Variants in URI1 observed in about 807,000 individuals in gnomAD.
URI1 encodes the protein unconventional prefoldin RPB5 interactor 1.
Under a neutral mutation model 60.2 loss-of-function variants are expected in URI1, and 39 were observed. The ratio of observed to expected loss-of-function variants is 0.65; its 90% confidence interval spans 0.50 to 0.85. The LOEUF is 0.85. Among genes scored for constraint, URI1 ranks in the 40% least tolerant of loss-of-function variants. URI1 has a pLI of 0.00. For synonymous variants in URI1, 251 were observed against 236.8 expected, an observed-to-expected ratio of 1.06 and a Z score of -0.55; for missense variants, 691 against 665.9, an observed-to-expected ratio of 1.04 and a Z score of -0.42.
intron 1 of URI1, chr19:29,956,761 A>C: frequency 6.3e-7 from 1 of 1,591,542 alleles, no homozygotes. Context: ...TGTTCTGTAC[A>C]TGACTACAAA....
At chr19:30,005,754 T>A (rs764112533) in intron 6 of URI1, 46 bp downstream of exon 6, 1 of 1,543,588 alleles carries the variant, frequency 6.5e-7, no homozygotes, top group East Asian at 2.3e-5. Context: ...GATATTTTGA[T>A]TTTTGTTGAT....
chr19:29,970,541 G>A (rs2055446517), intron 1 of URI1, among the ~76,000 whole-genome samples: 1 of 151,958 alleles, frequency 6.6e-6, no homozygotes, highest in Non-Finnish European at 1.5e-5. Context: ...AATAACTTTT[G>A]TACTTAAATT....
chr19:29,960,428 C>G (rs2145289006), intron 1 of URI1, among the ~76,000 whole-genome samples: 2 of 152,002 alleles, frequency 1.3e-5, no homozygotes, highest in Middle Eastern at 6.8e-3. Flanking sequence ...TTAACCTTTG[C>G]TTTATATATT....
At position 29,998,213 on chromosome 19, in the gene URI1, T is replaced by A. The variant is rs186807595; in HGVS notation, c.368-7148T>A. Among the ~76,000 whole-genome samples the A allele has an allele frequency of 1.2e-4, 19 of 152,334 alleles. No homozygotes were observed. The East Asian group carries it at 3.3e-3, about 26-fold the overall frequency. Reference sequence around the variant, plus strand: ...AAAGATACTTTATATGATTTCAATCTTGTTAAATTTTTCGAGACTTATTTT... The same window carrying A: ...AAAGATACTTTATATGATTTCAATCATGTTAAATTTTTCGAGACTTATTTT... On this transcript the variant is annotated intron_variant, in intron 4 of 10. Transcript: ENST00000392271.
At chr19:29,931,469 C>A (rs1368899836) in intron 1 of URI1, among the ~76,000 whole-genome samples, 1 of 152,114 alleles carries the variant, frequency 6.6e-6, no homozygotes, top group Non-Finnish European at 1.5e-5. Context: ...GATAGGGACA[C>A]TAATCCTATT....
chr19:29,964,931 A>G (rs2055374032), intron 1 of URI1, among the ~76,000 whole-genome samples: 1 of 150,050 alleles, frequency 6.7e-6, no homozygotes, highest in African/African-American at 2.5e-5. Context: ...TCACAGGCAC[A>G]TTCTCCTCCT....
chr19:29,983,811 G>T (rs1434070525), intron 2 of URI1, among the ~76,000 whole-genome samples: 1 of 152,160 alleles, frequency 6.6e-6, no homozygotes, highest in African/African-American at 2.4e-5. Flanking sequence ...CCCATAGCAT[G>T]GAAATACGAT....
intron 1 of URI1, among the ~76,000 whole-genome samples, chr19:29,952,984 T>A (rs1006348671): frequency 6.6e-6 from 1 of 152,210 alleles, no homozygotes; most frequent in African/African-American, 2.4e-5. Context: ...TTTATACCTA[T>A]GTTTCCTTCT....
intron 1 of URI1, among the ~76,000 whole-genome samples, chr19:29,949,714 C>G (rs1039500705): frequency 6.6e-6 from 1 of 152,246 alleles, no homozygotes; most frequent in African/African-American, 2.4e-5. Flanking sequence ...TGGAGACCAG[C>G]CCGGCCAACA....
intron 1 of URI1, among the ~76,000 whole-genome samples, chr19:29,928,394 A>C (rs1238638013): frequency 6.6e-6 from 1 of 152,134 alleles, no homozygotes; most frequent in Non-Finnish European, 1.5e-5. Context: ...GAGGCCCCTG[A>C]GCCTCAGTGG....
intron 1 of URI1, among the ~76,000 whole-genome samples, chr19:29,946,839 G>A (rs758982508): frequency 7.2e-5 from 11 of 152,166 alleles, no homozygotes; most frequent in Non-Finnish European, 1.2e-4. Flanking sequence ...GGCATGTTCT[G>A]CTGAGTGTGC....
intron 1 of URI1, among the ~76,000 whole-genome samples, chr19:29,949,655 C>T (rs1359337888): frequency 1.3e-5 from 2 of 152,218 alleles, no homozygotes; most frequent in Non-Finnish European, 2.9e-5. Context: ...CGTCTGCAAT[C>T]CCGGCACGTC....
intron 2 of URI1, among the ~76,000 whole-genome samples, chr19:29,977,875 T>C (rs1486942088): frequency 6.6e-6 from 1 of 152,138 alleles, no homozygotes; most frequent in Non-Finnish European, 1.5e-5. Context: ...GGTTTTTAAA[T>C]GTTTATTCTG....
chr19:30,015,524 C>T lies in URI1; in HGVS notation c.*455C>T, dbSNP rs1316698778. On this transcript the variant is annotated 3_prime_UTR_variant, in exon 11 of 11. Transcript: ENST00000392271. ...TTTAAAGGCACTTTAAAAAAATCTA[C>T]TTCTCTTGTAGGTTTTGCGGCTAGT... 16 of 1,532,870 alleles carry T rather than the reference C, an allele frequency of 1.0e-5. No individual in the cohort carries two copies. Among genetic ancestry groups the T allele is most frequent in the Admixed American group, 2.0e-5 (1 of 50,404 alleles). 95.0% of individuals were successfully genotyped at this position (1,532,870 alleles called of 1,614,324 possible).
chr19:29,935,123 T>C (rs983246661), intron 1 of URI1, among the ~76,000 whole-genome samples: 2 of 152,214 alleles, frequency 1.3e-5, no homozygotes, highest in African/African-American at 4.8e-5. Flanking sequence ...TTTTTGGTAT[T>C]TAATAGATTT....
chr19:29,938,132 C>A (rs752439835), upstream of URI1: 6 of 152,106 alleles, frequency 3.9e-5, no homozygotes, highest in African/African-American at 7.2e-5. Context: ...TTTGGGATTA[C>A]AGATGTGAAT....
At chr19:30,008,597 A>G (rs1032222901) in intron 7 of URI1, among the ~76,000 whole-genome samples, 1 of 152,090 alleles carries the variant, frequency 6.6e-6, no homozygotes, top group African/African-American at 2.4e-5. Context: ...AATTACAATA[A>G]TACATGCTCA....
intron 1 of URI1, among the ~76,000 whole-genome samples, chr19:29,932,854 T>C (rs956433800): frequency 6.6e-6 from 1 of 151,102 alleles, no homozygotes; most frequent in Non-Finnish European, 1.5e-5. Context: ...AATTTCACCA[T>C]GTTGGCCAGG....
At chr19:29,960,816 T>A (rs944770285) in intron 1 of URI1, among the ~76,000 whole-genome samples, 5 of 152,154 alleles carry the variant, frequency 3.3e-5, no homozygotes, top group African/African-American at 9.7e-5. Context: ...TTATTTTTTA[T>A]TCAAAAAATT....
Sources: allele counts gnomAD v4.1 joint callset (sites outside exome capture counted in the v4.1 genomes callset), GRCh38; gene constraint gnomAD v4.1.1; transcripts MANE v1.5; gene names NCBI Gene and HGNC (gene_info 2026-07-23, HGNC 2026-07-21).